The following FSTL5 variants were observed in gnomAD, a reference collection of about 807,000 sequenced individuals.
FSTL5 encodes follistatin-related protein 5.
FSTL5 carries 62 observed loss-of-function variants against 89.1 expected under a neutral mutation model. That is an observed-to-expected ratio of 0.70 (90% CI 0.57 to 0.86). The LOEUF (loss-of-function observed/expected upper bound fraction) is 0.86. FSTL5 is among the 40% of genes least tolerant of loss of function. The pLI, the probability that FSTL5 is intolerant of heterozygous loss-of-function variation, is 0.00. For missense variants in FSTL5, 1,057 were observed against 1,001.6 expected (o/e 1.06, Z -0.75); for synonymous variants, 383 against 346.2 (o/e 1.11, Z -1.18).
chr4:161,566,737 G>C (rs1310369272), intron 8 of FSTL5, among the ~76,000 whole-genome samples: 1 of 151,930 alleles, frequency 6.6e-6, no homozygotes, highest in Non-Finnish European at 1.5e-5. Flanking sequence ...ATCTCATGGA[G>C]GGAAGGAGGG....
chr4:161,522,462 T>C (rs1469293761), intron 10 of FSTL5, among the ~76,000 whole-genome samples: 1 of 152,072 alleles, frequency 6.6e-6, no homozygotes, highest in East Asian at 1.9e-4. Flanking sequence ...TTTCCTCCCG[T>C]ATTATATAAT....
chr4:162,045,384 C>A (rs1738131090), intron 2 of FSTL5, among the ~76,000 whole-genome samples: 1 of 152,070 alleles, frequency 6.6e-6, no homozygotes, highest in Non-Finnish European at 1.5e-5. Context: ...CAGTTCAGTT[C>A]ATGGTGCTCC....
chr4:161,794,352 G>A (rs189320289), intron 4 of FSTL5, among the ~76,000 whole-genome samples: 66 of 152,172 alleles, frequency 4.3e-4, no homozygotes, highest in Admixed American at 1.8e-3. Flanking sequence ...ACATTAGTTC[G>A]GGTGTTAAAT....
chr4:162,094,056 A>T (rs1730655009), intron 2 of FSTL5, among the ~76,000 whole-genome samples: 1 of 152,228 alleles, frequency 6.6e-6, no homozygotes, highest in Non-Finnish European at 1.5e-5. Flanking sequence ...TTATAAAAAC[A>T]AATATGCTGG....
chr4:161,823,042 C>A (rs1271382679), intron 4 of FSTL5, among the ~76,000 whole-genome samples: 1 of 152,144 alleles, frequency 6.6e-6, no homozygotes. Flanking sequence ...GCTGGTTGTC[C>A]TGACATCTGA....
At chr4:161,500,593 C>A (rs1269067308) in intron 11 of FSTL5, among the ~76,000 whole-genome samples, 1 of 151,908 alleles carries the variant, frequency 6.6e-6, no homozygotes, top group Non-Finnish European at 1.5e-5. Flanking sequence ...AGAAAAAGAC[C>A]AAATGCCCTA....
intron 6 of FSTL5, among the ~76,000 whole-genome samples, chr4:161,665,100 A>G (rs1322067508): frequency 2.0e-5 from 3 of 152,244 alleles, no homozygotes; most frequent in Non-Finnish European, 2.9e-5. Context: ...TCAGTCACTT[A>G]ACAATGAAAT....
At chr4:162,122,771 A>T (rs1224415190) in intron 1 of FSTL5, among the ~76,000 whole-genome samples, 1 of 152,108 alleles carries the variant, frequency 6.6e-6, no homozygotes, top group African/African-American at 2.4e-5. Context: ...CACATTTCAT[A>T]TGTGTGTGGC....
At chr4:161,803,428 A>G (rs1729860400) in intron 4 of FSTL5, among the ~76,000 whole-genome samples, 1 of 151,470 alleles carries the variant, frequency 6.6e-6, no homozygotes, top group Non-Finnish European at 1.5e-5. Context: ...AAAAATACTC[A>G]TAGTGATAAG....
intron 3 of FSTL5, among the ~76,000 whole-genome samples, chr4:161,937,825 G>A (rs74542350): frequency 0.055 from 8,295 of 152,164 alleles, 283 homozygotes; most frequent in Non-Finnish European, 0.081. Context: ...CCTCATATAC[G>A]TGTGCTGTAC....
chr4:161,665,133 A>G (rs964273151), intron 6 of FSTL5, among the ~76,000 whole-genome samples: 1 of 152,210 alleles, frequency 6.6e-6, no homozygotes, highest in Non-Finnish European at 1.5e-5. Flanking sequence ...GGAACACTCA[A>G]TTTACCAATG....
chr4:161,434,295 T>C lies in FSTL5; in HGVS notation c.1841+20709A>G, dbSNP rs1732481522. ...ATTTTCAACAAAGGTGCCAAGAACA[T>C]ACATTCAGGAAAAAACAGTTTCTTC... is the stretch of plus-strand genomic sequence containing the variant. On this transcript the variant is annotated intron_variant, in intron 15 of 15. Transcript: ENST00000306100. 2.6e-5 allele frequency among the ~76,000 whole-genome samples: 4 copies of C among 152,028 alleles called. No individual in the cohort carries two copies. In the South Asian group the frequency reaches 6.2e-4, roughly 24 times the overall value.
chr4:161,592,338 C>A (rs1194446041), intron 7 of FSTL5, among the ~76,000 whole-genome samples: 1 of 151,940 alleles, frequency 6.6e-6, no homozygotes, highest in Non-Finnish European at 1.5e-5. Context: ...AGATTTGTTA[C>A]AAAGGTATAC....
chr4:161,510,732 A>G (rs1366960279), intron 10 of FSTL5, among the ~76,000 whole-genome samples: 1 of 151,688 alleles, frequency 6.6e-6, no homozygotes, highest in Non-Finnish European at 1.5e-5. Flanking sequence ...TTTAATTGAA[A>G]TGTATTTTTA....
chr4:162,122,466 TGTA>T (rs992791163), intron 1 of FSTL5, among the ~76,000 whole-genome samples: 19 of 152,092 alleles, frequency 1.2e-4, no homozygotes, highest in Admixed American at 4.6e-4. Context: ...GTCATGGTCT[TGTA>T]GTTTCTTTTT....
chr4:162,014,150 C>T (rs1736849494), intron 3 of FSTL5, among the ~76,000 whole-genome samples: 1 of 152,192 alleles, frequency 6.6e-6, no homozygotes, highest in Admixed American at 6.5e-5. Context: ...CACCAGTGAG[C>T]TGCAGAGGCT....
intron 10 of FSTL5, among the ~76,000 whole-genome samples, chr4:161,527,365 A>G (rs1197901317): frequency 6.6e-6 from 1 of 152,092 alleles, no homozygotes; most frequent in African/African-American, 2.4e-5. Context: ...GCAACCTACA[A>G]AATGGGAGAA....
At chr4:161,422,568 G>A (rs1052541027) in intron 15 of FSTL5, among the ~76,000 whole-genome samples, 2 of 152,154 alleles carry the variant, frequency 1.3e-5, no homozygotes, top group African/African-American at 4.8e-5. Context: ...AAGCATGGAA[G>A]TGCTAGCATA....
At chr4:161,835,795 C>T (rs1244629831) in intron 4 of FSTL5, among the ~76,000 whole-genome samples, 1 of 152,010 alleles carries the variant, frequency 6.6e-6, no homozygotes, top group Admixed American at 6.6e-5. Flanking sequence ...ATTAAAAAGT[C>T]AGGAAACAAC....
Sources: gnomAD v4.1 joint callset for allele counts (sites outside exome capture counted in the v4.1 genomes callset) on GRCh38, gnomAD v4.1.1 for gene constraint, MANE v1.5 for transcripts, NCBI Gene and HGNC (gene_info 2026-07-23, HGNC 2026-07-21) for gene names.